Variants in INPP4B observed in about 807,000 individuals in gnomAD.
INPP4B encodes inositol polyphosphate-4-phosphatase type II B.
A neutral mutation model predicts 122.5 loss-of-function variants in INPP4B; 55 were observed. The ratio of observed to expected loss-of-function variants is 0.45; its 90% CI spans 0.36 to 0.56. The LOEUF is 0.56. Ranked by LOEUF, INPP4B falls within the 20% of genes least tolerant of loss-of-function variation. INPP4B has a pLI of 0.00. For missense variants in INPP4B, 1,000 were observed against 1,097.7 expected, an observed-to-expected ratio of 0.91 and a Z score of 1.26; for synonymous variants, 403 against 388.7, an observed-to-expected ratio of 1.04 and a Z score of -0.43.
At chr4:142,590,881 C>CA (rs59459819) in intron 2 of INPP4B, among the ~76,000 whole-genome samples, 8,087 of 93,506 alleles carry the variant, frequency 0.086, 337 homozygotes, top group South Asian at 0.12. Context: ...TATCATTCTC[C>CA]AAAAAAAAAA....
intron 7 of INPP4B, among the ~76,000 whole-genome samples, chr4:142,323,664 C>T (rs574908507): frequency 1.3e-5 from 2 of 151,788 alleles, no homozygotes; most frequent in African/African-American, 2.4e-5. Context: ...CCAGGATGGT[C>T]TCAATCTCCT....
intron 2 of INPP4B, among the ~76,000 whole-genome samples, chr4:142,647,471 T>A (rs184251941): frequency 6.6e-6 from 1 of 152,256 alleles, no homozygotes; most frequent in East Asian, 1.9e-4. Context: ...GAAAAGGCCA[T>A]CAATGATAAC....
intron 14 of INPP4B, among the ~76,000 whole-genome samples, chr4:142,207,939 C>A (rs1323016862): frequency 1.3e-5 from 2 of 151,990 alleles, no homozygotes; most frequent in Non-Finnish European, 2.9e-5. Flanking sequence ...CAACTGAGTA[C>A]ATTTAAATAC....
chr4:142,293,037 A>AC (rs989270331), intron 9 of INPP4B, among the ~76,000 whole-genome samples: 4 of 109,900 alleles, frequency 3.6e-5, no homozygotes, highest in East Asian at 3.6e-4. Flanking sequence ...TAATTTTTAT[A>AC]CCCTTTTTTT....
intron 7 of INPP4B, among the ~76,000 whole-genome samples, chr4:142,345,347 C>A (rs1779966437): frequency 6.6e-6 from 1 of 151,890 alleles, no homozygotes; most frequent in African/African-American, 2.4e-5. Flanking sequence ...TATTCACCAT[C>A]AGATAATTGT....
At chr4:142,626,554 A>G (rs909818019) in intron 2 of INPP4B, among the ~76,000 whole-genome samples, 2 of 152,006 alleles carry the variant, frequency 1.3e-5, no homozygotes, top group Non-Finnish European at 2.9e-5. Flanking sequence ...AACTTGGAAA[A>G]GGGCTCTAAG....
In INPP4B at chr4:142,638,546, C is replaced by CTTT. The variant is rs3080813; in HGVS notation, c.-191+87290_-191+87292dup. 8.7e-3 allele frequency among the ~76,000 whole-genome samples: 1,171 copies of CTTT among 134,264 alleles called. 34 individuals are homozygous for CTTT. Among genetic ancestry groups the CTTT allele is most frequent in the Non-Finnish European group, 0.011 (728 of 64,210 alleles). 88.1% of individuals were successfully genotyped at this position (134,264 alleles called of 152,430 possible). ...TCCATTGATTTTAGTTGTCTATTCT[C>CTTT]TTTTTTTTTTTTTTTGAGATGGAGT... On this transcript the variant is annotated intron_variant, in intron 2 of 25. Coordinates refer to ENST00000262992, the MANE Select transcript of INPP4B (RefSeq NM_001101669.3).
intron 2 of INPP4B, among the ~76,000 whole-genome samples, chr4:142,464,775 A>C (rs1817445255): frequency 6.6e-6 from 1 of 152,218 alleles, no homozygotes; most frequent in Non-Finnish European, 1.5e-5. Flanking sequence ...TAGAATTTAC[A>C]AGATACTTTG....
chr4:142,704,419 A>G (rs954541009), intron 2 of INPP4B, among the ~76,000 whole-genome samples: 1 of 152,180 alleles, frequency 6.6e-6, no homozygotes, highest in African/African-American at 2.4e-5. Context: ...CCCTTGAGAC[A>G]TCAACTTTAT....
At chr4:142,725,801 T>C (rs1765274885) in intron 2 of INPP4B, 38 bp downstream of exon 2, 4 of 397,598 alleles carry the variant, frequency 1.0e-5, no homozygotes, top group Admixed American at 4.4e-5. Context: ...TGTAGAGTTA[T>C]ACAGAATGAA....
intron 12 of INPP4B, among the ~76,000 whole-genome samples, chr4:142,237,216 T>A (rs949430268): frequency 2.0e-5 from 3 of 152,044 alleles, no homozygotes; most frequent in African/African-American, 7.2e-5. Flanking sequence ...AAATGAGAAG[T>A]CCAAAGGAGA....
chr4:142,553,678 T>C (rs1248814198), intron 2 of INPP4B, among the ~76,000 whole-genome samples: 4 of 152,236 alleles, frequency 2.6e-5, no homozygotes, highest in African/African-American at 2.4e-5. Context: ...AATACCTTGA[T>C]AATGTAACTT....
At chr4:142,507,424 T>A (rs1824167828) in intron 2 of INPP4B, among the ~76,000 whole-genome samples, 1 of 152,096 alleles carries the variant, frequency 6.6e-6, no homozygotes, top group African/African-American at 2.4e-5. Context: ...GGACTACTAT[T>A]TCTGCTTTCT....
intron 3 of INPP4B, among the ~76,000 whole-genome samples, chr4:142,459,288 T>TGA (rs1816214653): frequency 1.5e-5 from 1 of 66,280 alleles, no homozygotes; most frequent in Admixed American, 1.7e-4. Flanking sequence ...AACAAACAAA[T>TGA]GAAAAAAAAA....
intron 2 of INPP4B, among the ~76,000 whole-genome samples, chr4:142,669,980 T>A (rs976084887): frequency 2.0e-5 from 3 of 152,186 alleles, no homozygotes; most frequent in Non-Finnish European, 4.4e-5. Flanking sequence ...AAAGTTGAAC[T>A]TTCTGTGGTT....
chr4:142,359,819 G>A (rs1470647636), intron 7 of INPP4B, among the ~76,000 whole-genome samples: 4 of 151,816 alleles, frequency 2.6e-5, no homozygotes, highest in African/African-American at 4.8e-5. Context: ...ACTTGTTATA[G>A]AGTTAAAATA....
intron 21 of INPP4B, among the ~76,000 whole-genome samples, chr4:142,117,115 G>C (rs188852924): frequency 3.3e-4 from 50 of 152,252 alleles, no homozygotes; most frequent in Admixed American, 1.5e-3. Context: ...AAACGAGGAA[G>C]AAGTTGAATC....
intron 2 of INPP4B, among the ~76,000 whole-genome samples, chr4:142,529,422 T>C (rs975136): frequency 0.37 from 55,726 of 151,884 alleles, 11,976 homozygotes; most frequent in Non-Finnish European, 0.51. Flanking sequence ...GCAGATAAGA[T>C]AATTCAGGTA....
chr4:142,277,018 C>T (rs1226022736), intron 9 of INPP4B, among the ~76,000 whole-genome samples: 1 of 151,846 alleles, frequency 6.6e-6, no homozygotes, highest in African/African-American at 2.4e-5. Flanking sequence ...ATTAACAGGC[C>T]ATTCTTCCAG....
Sources: gnomAD v4.1 joint callset for allele counts (sites outside exome capture counted in the v4.1 genomes callset) on GRCh38, gnomAD v4.1.1 for gene constraint, MANE v1.5 for transcripts, NCBI Gene and HGNC (gene_info 2026-07-23, HGNC 2026-07-21) for gene names.